SUSD1: variants seen among roughly 807,000 people sequenced by gnomAD.
SUSD1 encodes sushi domain-containing protein 1.
In SUSD1, 65 loss-of-function variants were observed where a neutral mutation model predicts 86.9. That is an observed-to-expected ratio of 0.75 (90% CI 0.61 to 0.92). The LOEUF is 0.92. Ranked by LOEUF, SUSD1 falls within the 40% of genes least tolerant of loss-of-function variation. The pLI is 0.00. For synonymous variants in SUSD1, 346 were observed against 350.0 expected, an observed-to-expected ratio of 0.99 and a Z score of 0.13; for missense variants, 850 against 929.7, an observed-to-expected ratio of 0.91 and a Z score of 1.11.
intron 6 of SUSD1, among the ~76,000 whole-genome samples, chr9:112,115,461 A>G (rs545802045): frequency 2.6e-5 from 4 of 152,296 alleles, no homozygotes; most frequent in South Asian, 4.1e-4. Context: ...CTGGATCTCT[A>G]TATCAGTATT....
At chr9:112,119,600 C>T (rs769568811) in intron 6 of SUSD1, among the ~76,000 whole-genome samples, 1 of 152,232 alleles carries the variant, frequency 6.6e-6, no homozygotes, top group African/African-American at 2.4e-5. Context: ...AGATTCTAAA[C>T]ATGAAAAGCC....
At chr9:112,166,077 C>T (rs1312828558) in intron 1 of SUSD1, among the ~76,000 whole-genome samples, 2 of 152,152 alleles carry the variant, frequency 1.3e-5, no homozygotes, top group Non-Finnish European at 2.9e-5. Context: ...GTTCCCCACA[C>T]CAGCAAAAAA....
intron 1 of SUSD1, among the ~76,000 whole-genome samples, chr9:112,162,362 G>A (rs1215957307): frequency 1.3e-5 from 2 of 152,168 alleles, no homozygotes; most frequent in Non-Finnish European, 2.9e-5. Context: ...TTCTCATGAT[G>A]CCATTGAGAG....
chr9:112,093,833 T>C (rs1158988885), intron 10 of SUSD1, among the ~76,000 whole-genome samples: 1 of 152,110 alleles, frequency 6.6e-6, no homozygotes, highest in East Asian at 1.9e-4. Context: ...ACAGATGAGG[T>C]AGGTAGATAT....
chr9:112,169,227 A>G (rs1833939830), intron 1 of SUSD1: 1 of 152,156 alleles, frequency 6.6e-6, no homozygotes, highest in Admixed American at 6.6e-5. Context: ...AAATTGTCAT[A>G]TATTTCCCAC....
chr9:112,155,845 G>T (rs72763958), intron 2 of SUSD1, among the ~76,000 whole-genome samples: 3,067 of 150,858 alleles, frequency 0.02, 51 homozygotes, highest in South Asian at 0.039. Flanking sequence ...GAATGAAGAA[G>T]AAGAGGAAGA....
chr9:112,120,106 G>A (rs536437398), intron 6 of SUSD1, among the ~76,000 whole-genome samples: 3 of 152,112 alleles, frequency 2.0e-5, no homozygotes, highest in East Asian at 1.9e-4. Flanking sequence ...GTTTGAGACC[G>A]GCCTGGGCAA....
At chr9:112,165,020 T>C (rs1833720612) in intron 1 of SUSD1, among the ~76,000 whole-genome samples, 2 of 152,222 alleles carry the variant, frequency 1.3e-5, no homozygotes, top group South Asian at 4.1e-4. Context: ...CAGGCTCCAA[T>C]TCAGTTGGTC....
chr9:112,107,262 A>AT (rs1005011570), intron 8 of SUSD1, among the ~76,000 whole-genome samples: 6 of 150,206 alleles, frequency 4.0e-5, no homozygotes, highest in Non-Finnish European at 8.9e-5. Flanking sequence ...CTCAAAAAAA[A>AT]AAAAAAAAAA....
intron 12 of SUSD1, 50 bp from the exon 13 acceptor site, chr9:112,063,083 C>T (rs750222695): frequency 8.2e-7 from 1 of 1,226,766 alleles, no homozygotes; most frequent in South Asian, 1.2e-5. Flanking sequence ...AACAAGTAAA[C>T]AGCAGGACAA....
At position 112,078,811 on chromosome 9, in the gene SUSD1, C is replaced by CTTTTTTTTTT. The variant is rs71496739; in HGVS notation, c.1567-97_1567-88dup. ...ACCTCCCCTTTTCCTTTTTCTTTCT[C>CTTTTTTTTTT]TTTTTTTTTTTTTTTTTTTGAGATG... On this transcript the variant is annotated intron_variant, in intron 11 of 16. Transcript: ENST00000374270. 281 of 641,314 alleles carry CTTTTTTTTTT rather than the reference C, an allele frequency of 4.4e-4. 3 individuals are homozygous for CTTTTTTTTTT. In the African/African-American group the frequency reaches 4.6e-3, roughly 10 times the overall value. 39.7% of individuals were successfully genotyped at this position (641,314 alleles called of 1,614,324 possible). A position where few individuals can be genotyped will look rare whatever the true frequency, so the allele number is the denominator to read the frequency against.
chr9:112,075,120 A>G (rs1829461502), intron 12 of SUSD1, among the ~76,000 whole-genome samples: 1 of 152,210 alleles, frequency 6.6e-6, no homozygotes, highest in Non-Finnish European at 1.5e-5. Context: ...TAGGAAATGG[A>G]GATGGAGTCG....
intron 2 of SUSD1, among the ~76,000 whole-genome samples, chr9:112,150,919 A>G (rs1321907186): frequency 6.6e-6 from 1 of 152,184 alleles, no homozygotes; most frequent in Non-Finnish European, 1.5e-5. Flanking sequence ...CTAGAACGTT[A>G]TGATACATGA....
chr9:112,072,841 G>A (rs1829343452), intron 12 of SUSD1, among the ~76,000 whole-genome samples: 2 of 152,232 alleles, frequency 1.3e-5, no homozygotes, highest in East Asian at 1.9e-4. Flanking sequence ...ACTTGGAAAG[G>A]AAAACAGCTG....
At chr9:112,149,198 T>C (rs1564340795) in intron 3 of SUSD1, 46 bp downstream of exon 3, 2 of 1,608,200 alleles carry the variant, frequency 1.2e-6, no homozygotes, top group Non-Finnish European at 1.7e-6. Context: ...CCAGATACTA[T>C]CCTGCCATCG....
intron 6 of SUSD1, among the ~76,000 whole-genome samples, chr9:112,114,312 G>A (rs1252191015): frequency 1.3e-5 from 2 of 151,994 alleles, no homozygotes; most frequent in Admixed American, 6.6e-5. Flanking sequence ...GCAAAACCCC[G>A]TCTCTACTAA....
At chr9:112,109,862 TTAA>T in intron 8 of SUSD1, among the ~76,000 whole-genome samples, 1 of 152,352 alleles carries the variant, frequency 6.6e-6, no homozygotes, top group East Asian at 1.9e-4. Context: ...TTGCAAAGAA[TTAA>T]TTTTGTTTTA....
intron 10 of SUSD1, among the ~76,000 whole-genome samples, chr9:112,095,295 A>C (rs1476979972): frequency 6.6e-6 from 1 of 152,250 alleles, no homozygotes; most frequent in Non-Finnish European, 1.5e-5. Context: ...CTGGCAATAA[A>C]GACGGAACAG....
chr9:112,089,849 A>AAAAGG (rs1289329868), intron 10 of SUSD1, among the ~76,000 whole-genome samples: 1 of 151,792 alleles, frequency 6.6e-6, no homozygotes, highest in Non-Finnish European at 1.5e-5. Flanking sequence ...AAAAGAAAAG[A>AAAAGG]AAGCAGAAAT....
Sources: gnomAD v4.1 joint callset for allele counts (sites outside exome capture counted in the v4.1 genomes callset) on GRCh38, gnomAD v4.1.1 for gene constraint, MANE v1.5 for transcripts, NCBI Gene and HGNC (gene_info 2026-07-23, HGNC 2026-07-21) for gene names.